The following PLD5 variants were observed in gnomAD, a reference collection of about 807,000 sequenced individuals.
PLD5 encodes phospholipase D family member 5, also known as inactive phospholipase D5.
A neutral mutation model predicts 61.1 loss-of-function variants in PLD5; 36 were observed. The ratio of observed to expected loss-of-function variants is 0.59; its 90% CI spans 0.45 to 0.78. The LOEUF is 0.78. PLD5 is among the 30% of genes least tolerant of loss of function. The pLI is 0.00. For synonymous variants in PLD5, 243 were observed against 242.8 expected, an observed-to-expected ratio of 1.00 and a Z score of -0.01; for missense variants, 515 against 644.4, an observed-to-expected ratio of 0.80 and a Z score of 2.17.
At chr1:242,091,775 C>A (rs921970483) in intron 9 of PLD5, among the ~76,000 whole-genome samples, 1 of 151,938 alleles carries the variant, frequency 6.6e-6, no homozygotes, top group South Asian at 2.1e-4. Flanking sequence ...TTTCTGTGGA[C>A]GCCCTACTCT....
At chr1:242,349,110 A>G (rs548319187) in intron 1 of PLD5, among the ~76,000 whole-genome samples, 1 of 152,336 alleles carries the variant, frequency 6.6e-6, no homozygotes, top group East Asian at 1.9e-4. Context: ...ACATTTGTTC[A>G]GTCCTGAAAG....
At chr1:242,325,116 G>A (rs12143449) in intron 2 of PLD5, among the ~76,000 whole-genome samples, 8,905 of 152,148 alleles carry the variant, frequency 0.059, 316 homozygotes, top group Middle Eastern at 0.099. Flanking sequence ...AAGAACCCAC[G>A]GGGTGGTTAC....
At chr1:242,378,197 T>C (rs12081372) in intron 1 of PLD5, among the ~76,000 whole-genome samples, 4,035 of 152,262 alleles carry the variant, frequency 0.027, 163 homozygotes, top group African/African-American at 0.092. Flanking sequence ...AGAAGGAAAT[T>C]CTAACACATG....
intron 1 of PLD5, among the ~76,000 whole-genome samples, chr1:242,422,852 T>C (rs942699900): frequency 5.4e-5 from 8 of 148,806 alleles, no homozygotes; most frequent in African/African-American, 1.5e-4. Flanking sequence ...CTCTCTTTTT[T>C]TTTTTTTTTT....
chr1:242,490,750 T>C (rs1668122213), intron 1 of PLD5, among the ~76,000 whole-genome samples: 1 of 152,302 alleles, frequency 6.6e-6, no homozygotes, highest in African/African-American at 2.4e-5. Context: ...TCTTTAATAC[T>C]GTGTAGAGAA....
chr1:242,241,241 T>C (rs1332766494), intron 4 of PLD5, among the ~76,000 whole-genome samples: 3 of 152,138 alleles, frequency 2.0e-5, no homozygotes, highest in African/African-American at 2.4e-5. Context: ...CATGAAAACA[T>C]CACCCGCTAG....
chr1:242,360,803 T>C (rs1661023899), intron 1 of PLD5, among the ~76,000 whole-genome samples: 1 of 152,164 alleles, frequency 6.6e-6, no homozygotes, highest in African/African-American at 2.4e-5. Flanking sequence ...AAAAAGTGAT[T>C]AAACTTTTTT....
chr1:242,425,145 A>G (rs1472966729), intron 1 of PLD5, among the ~76,000 whole-genome samples: 1 of 152,098 alleles, frequency 6.6e-6, no homozygotes, highest in Non-Finnish European at 1.5e-5. Flanking sequence ...AAAAAATACA[A>G]TCATGTGTTG....
At chr1:242,397,164 AT>A (rs905952180) in intron 1 of PLD5, among the ~76,000 whole-genome samples, 2 of 151,972 alleles carry the variant, frequency 1.3e-5, no homozygotes, top group Non-Finnish European at 2.9e-5. Context: ...CAATTTTGAC[AT>A]TTTTATCTCT....
chr1:242,098,392 C>A (rs981941381), intron 9 of PLD5, among the ~76,000 whole-genome samples: 1 of 152,160 alleles, frequency 6.6e-6, no homozygotes, highest in African/African-American at 2.4e-5. Flanking sequence ...GTTCTCATGC[C>A]GTGGTTTTCA....
At chr1:242,342,518 A>C (rs1659891749) in intron 2 of PLD5, among the ~76,000 whole-genome samples, 1 of 152,212 alleles carries the variant, frequency 6.6e-6, no homozygotes, top group Admixed American at 6.5e-5. Flanking sequence ...GCGAATTGCA[A>C]AATAGCCAAG....
At chr1:242,312,776 T>C (rs1275500535) in intron 2 of PLD5, among the ~76,000 whole-genome samples, 2 of 152,240 alleles carry the variant, frequency 1.3e-5, no homozygotes, top group Non-Finnish European at 2.9e-5. Flanking sequence ...CAGACTGCCA[T>C]GCTGCCTTGG....
rs115378252 is a variant in PLD5, at chr1:242,273,907, C to G, written c.496-8459G>C. 1.3e-3 allele frequency among the ~76,000 whole-genome samples: 202 copies of G among 152,208 alleles called. 4 individuals are homozygous for G. In the Middle Eastern group the frequency reaches 0.014, roughly 10 times the overall value. Reference sequence around the variant, plus strand: ...AGAAGCCACCAGGAGCTGGGAGAGCCGAGGAATGCTGGCAGGCTCTGGAGC... The same window carrying G: ...AGAAGCCACCAGGAGCTGGGAGAGCGGAGGAATGCTGGCAGGCTCTGGAGC... On this transcript the variant is annotated intron_variant, in intron 3 of 9. Transcript: ENST00000536534.
intron 1 of PLD5, among the ~76,000 whole-genome samples, chr1:242,452,250 CA>C (rs1437365194): frequency 6.6e-6 from 1 of 151,840 alleles, no homozygotes; most frequent in African/African-American, 2.4e-5. Flanking sequence ...GTGGAAACAA[CA>C]AGGGACTAGG....
At chr1:242,299,702 C>T (rs1049152169) in intron 2 of PLD5, among the ~76,000 whole-genome samples, 12 of 152,284 alleles carry the variant, frequency 7.9e-5, no homozygotes, top group Admixed American at 5.9e-4. Context: ...TCTGTTAGGA[C>T]GTATTCTCTC....
chr1:242,121,704 A>G (rs1662373013), intron 6 of PLD5, among the ~76,000 whole-genome samples: 1 of 152,202 alleles, frequency 6.6e-6, no homozygotes, highest in African/African-American at 2.4e-5. Flanking sequence ...ATGTCCATCA[A>G]TGATAGACTG....
chr1:242,178,941 T>C (rs577867981), intron 5 of PLD5, among the ~76,000 whole-genome samples: 28 of 152,298 alleles, frequency 1.8e-4, no homozygotes, highest in East Asian at 3.9e-4. Flanking sequence ...AACACTGCAG[T>C]GTATCCAGAA....
At chr1:242,248,082 TTA>T (rs1672491691) in intron 4 of PLD5, among the ~76,000 whole-genome samples, 1 of 152,272 alleles carries the variant, frequency 6.6e-6, no homozygotes, top group African/African-American at 2.4e-5. Flanking sequence ...TGAACTACTG[TTA>T]TCTTTTGTTC....
chr1:242,193,375 C>T (rs543729870), intron 5 of PLD5, among the ~76,000 whole-genome samples: 2 of 152,158 alleles, frequency 1.3e-5, no homozygotes, highest in African/African-American at 2.4e-5. Flanking sequence ...TTTCTTTGGC[C>T]GGGTTCTTGG....
Sources: gnomAD v4.1 joint callset for allele counts (sites outside exome capture counted in the v4.1 genomes callset) on GRCh38, gnomAD v4.1.1 for gene constraint, MANE v1.5 for transcripts, NCBI Gene and HGNC (gene_info 2026-07-23, HGNC 2026-07-21) for gene names.